MAP4K3: variants seen among roughly 807,000 people sequenced by gnomAD.
MAP4K3 encodes MAPK/ERK kinase kinase kinase 3.
A neutral mutation model predicts 143.5 loss-of-function variants in MAP4K3; 94 were observed. That is an observed-to-expected ratio of 0.65 (90% CI 0.55 to 0.78). The LOEUF (loss-of-function observed/expected upper bound fraction) is 0.78, where lower values mean the gene tolerates loss of function less well. MAP4K3 is among the 30% of genes least tolerant of loss of function. MAP4K3 has a pLI of 0.00. For missense variants in MAP4K3, 1,077 were observed against 1,068.1 expected, an observed-to-expected ratio of 1.01 and a Z score of -0.12; for synonymous variants, 416 against 347.2, an observed-to-expected ratio of 1.20 and a Z score of -2.20.
chr2:39,371,809 CTCTA>C (rs1175481271), intron 2 of MAP4K3, among the ~76,000 whole-genome samples: 1 of 150,092 alleles, frequency 6.7e-6, no homozygotes, highest in African/African-American at 2.4e-5. Flanking sequence ...TATCCTCTCT[CTCTA>C]TATATATATA....
chr2:39,349,462 C>A (rs1665388375), intron 3 of MAP4K3, among the ~76,000 whole-genome samples: 1 of 152,088 alleles, frequency 6.6e-6, no homozygotes, highest in African/African-American at 2.4e-5. Flanking sequence ...AAAGGGTGGG[C>A]CACTGAACAT....
At chr2:39,290,417 CAT>C (rs1681992615) in intron 18 of MAP4K3, 83 bp from the exon 19 acceptor site, 1 of 832,134 alleles carries the variant, frequency 1.2e-6, no homozygotes, top group African/African-American at 1.8e-5. Context: ...TTCAAAGACA[CAT>C]AAAAAAGCTG....
At chr2:39,331,878 A>G (rs1466178706) in intron 8 of MAP4K3, 39 bp downstream of exon 8, 1 of 1,306,390 alleles carries the variant, frequency 7.7e-7, no homozygotes. Context: ...TCCAATAATG[A>G]TAGAACAAAG....
At chr2:39,309,908 T>G (rs1383697071) in intron 13 of MAP4K3, among the ~76,000 whole-genome samples, 2 of 152,144 alleles carry the variant, frequency 1.3e-5, no homozygotes, top group Non-Finnish European at 2.9e-5. Flanking sequence ...TAAAAAGTTA[T>G]TCCATGGTGA....
chr2:39,417,508 G>A (rs1010446720), intron 1 of MAP4K3, among the ~76,000 whole-genome samples: 1 of 151,684 alleles, frequency 6.6e-6, no homozygotes, highest in South Asian at 2.1e-4. Context: ...GTGAGCCACC[G>A]CACCCGCCCG....
Position 39,353,845 on chromosome 2 carries a change from G to A in MAP4K3, c.245+2404C>T, listed in dbSNP as rs575423073. ...CACTGTTCTTAGTATTTCACACGTAGTTACCCAGGAAGTACTCACACCTAT... is the reference window on the plus strand; with the variant it reads ...CACTGTTCTTAGTATTTCACACGTAATTACCCAGGAAGTACTCACACCTAT... On this transcript the variant is annotated intron_variant, in intron 3 of 33. Coordinates refer to ENST00000263881, the MANE Select transcript of MAP4K3 (RefSeq NM_003618.4). Among the ~76,000 whole-genome samples, 3 of 152,214 alleles carry A rather than the reference G, an allele frequency of 2.0e-5. No homozygotes were observed. In the East Asian group the frequency reaches 5.8e-4, roughly 29 times the overall value.
rs1334115315 is a variant in MAP4K3, at chr2:39,280,454, G to A, written c.1630-98C>T. ...ATCTATTTTAATGTGAGAGTCTATA[G>A]ATAGTATACTGAAATTATGATCATC... On this transcript the variant is annotated intron_variant, in intron 22 of 33. Transcript: ENST00000263881. The A allele has an allele frequency of 1.2e-5, 6 of 512,734 alleles. No homozygotes were observed. The East Asian group carries it at 2.0e-4, about 17-fold the overall frequency. 31.8% of individuals were successfully genotyped at this position (512,734 alleles called of 1,614,324 possible). A position where few individuals can be genotyped will look rare whatever the true frequency, so the allele number is the denominator to read the frequency against.
At chr2:39,270,315 C>A (rs1232698277) in intron 26 of MAP4K3, among the ~76,000 whole-genome samples, 1 of 152,072 alleles carries the variant, frequency 6.6e-6, no homozygotes, top group Non-Finnish European at 1.5e-5. Flanking sequence ...TATAGACTTG[C>A]CTTAATTTTA....
chr2:39,418,835 C>A (rs1667466948), intron 1 of MAP4K3, among the ~76,000 whole-genome samples: 1 of 152,090 alleles, frequency 6.6e-6, no homozygotes, highest in Admixed American at 6.5e-5. Flanking sequence ...CTGTCACACA[C>A]CAGAAAATTC....
chr2:39,388,773 G>A (rs980821707), intron 1 of MAP4K3, among the ~76,000 whole-genome samples: 1 of 152,140 alleles, frequency 6.6e-6, no homozygotes, highest in Non-Finnish European at 1.5e-5. Context: ...GGAGCCTCAA[G>A]TCAAGAAATA....
At chr2:39,384,156 CAG>C (rs558365368) in intron 1 of MAP4K3, among the ~76,000 whole-genome samples, 20 of 151,604 alleles carry the variant, frequency 1.3e-4, no homozygotes, top group Admixed American at 3.9e-4. Flanking sequence ...GTAGCTAAGA[CAG>C]AGGCCATATG....
At chr2:39,376,072 G>A (rs1666210514) in intron 2 of MAP4K3, among the ~76,000 whole-genome samples, 1 of 152,226 alleles carries the variant, frequency 6.6e-6, no homozygotes, top group African/African-American at 2.4e-5. Flanking sequence ...ATATGCAAGA[G>A]TAGAATTGCT....
chr2:39,293,401 C>T (rs1328291826), intron 16 of MAP4K3, 133 bp from the exon 17 acceptor site: 1 of 616,014 alleles, frequency 1.6e-6, no homozygotes, highest in Non-Finnish European at 2.8e-6. Flanking sequence ...TGAAAATTTG[C>T]TAGTGATCAC....
chr2:39,405,090 G>A (rs1007316108), intron 1 of MAP4K3, among the ~76,000 whole-genome samples: 1 of 152,206 alleles, frequency 6.6e-6, no homozygotes, highest in African/African-American at 2.4e-5. Context: ...CAGTAACCAG[G>A]TAGGGGTCAC....
At chr2:39,346,156 G>T (rs1665285606) in intron 3 of MAP4K3, among the ~76,000 whole-genome samples, 1 of 152,148 alleles carries the variant, frequency 6.6e-6, no homozygotes, top group Admixed American at 6.5e-5. Flanking sequence ...TCTGAGACTG[G>T]CAGATGTGTG....
At chr2:39,365,911 G>A (rs1027081585) in intron 2 of MAP4K3, among the ~76,000 whole-genome samples, 1 of 152,194 alleles carries the variant, frequency 6.6e-6, no homozygotes, top group South Asian at 2.1e-4. Context: ...TACGTTACAT[G>A]TAAAAGTGTT....
At chr2:39,297,337 C>T (rs1447684520) in intron 16 of MAP4K3, among the ~76,000 whole-genome samples, 2 of 152,036 alleles carry the variant, frequency 1.3e-5, no homozygotes, top group Admixed American at 6.5e-5. Flanking sequence ...AGGCTGGTCT[C>T]GATCTCCTGA....
At chr2:39,298,854 T>A (rs1682392863) in intron 16 of MAP4K3, among the ~76,000 whole-genome samples, 1 of 151,286 alleles carries the variant, frequency 6.6e-6, no homozygotes, top group Non-Finnish European at 1.5e-5. Flanking sequence ...TAGTCCCAGC[T>A]ACTGGGAGGC....
intron 6 of MAP4K3, among the ~76,000 whole-genome samples, chr2:39,334,244 A>C (rs913060467): frequency 1.3e-5 from 2 of 152,138 alleles, no homozygotes; most frequent in African/African-American, 2.4e-5. Context: ...GTAGATAATG[A>C]TGACTTCATC....
Sources: gnomAD v4.1 joint callset for allele counts (sites outside exome capture counted in the v4.1 genomes callset) on GRCh38, gnomAD v4.1.1 for gene constraint, MANE v1.5 for transcripts, NCBI Gene and HGNC (gene_info 2026-07-23, HGNC 2026-07-21) for gene names.